TENM2: variants seen among roughly 807,000 people sequenced by gnomAD.
TENM2 encodes teneurin-2.
In TENM2, 52 loss-of-function variants were observed where a neutral mutation model predicts 245.2. The observed-to-expected ratio is 0.21, with a 90% CI of 0.17 to 0.27. The LOEUF (loss-of-function observed/expected upper bound fraction) is 0.27. Ranked by LOEUF, TENM2 falls within the 10% of genes least tolerant of loss-of-function variation. The pLI is 1.00. For synonymous variants in TENM2, 1,363 were observed against 1,438.9 expected (o/e 0.95, Z 1.19); for missense variants, 3,046 against 3,666.8 (o/e 0.83, Z 4.37).
chr5:167,925,771 G>A (rs998604626), intron 3 of TENM2, among the ~76,000 whole-genome samples: 34 of 152,176 alleles, frequency 2.2e-4, no homozygotes, highest in Admixed American at 1.6e-3. Flanking sequence ...ATACTATGCC[G>A]CCATGAGAAG....
At chr5:167,970,698 G>T (rs1393785839) in intron 4 of TENM2, among the ~76,000 whole-genome samples, 1 of 152,092 alleles carries the variant, frequency 6.6e-6, no homozygotes, top group Non-Finnish European at 1.5e-5. Flanking sequence ...ATGAGTATAG[G>T]TAATATCAGA....
chr5:168,148,144 G>C lies in TENM2; in HGVS notation c.2423-14467G>C, dbSNP rs142107424. Among the ~76,000 whole-genome samples the C allele has an allele frequency of 3.5e-3, 533 of 152,300 alleles. 1 individual carries two copies. Among genetic ancestry groups the C allele is most frequent in the African/African-American group, 0.012 (510 of 41,564 alleles). Reference sequence around the variant, plus strand: ...ACTGCAGGTTAGCAGCTGAGTACCAGCTCCCATTCACTGTTCAATTATCCA... The same window carrying C: ...ACTGCAGGTTAGCAGCTGAGTACCACCTCCCATTCACTGTTCAATTATCCA... On this transcript the variant is annotated intron_variant, in intron 12 of 28. Coordinates refer to ENST00000518659, the Ensembl canonical transcript of TENM2.
chr5:167,248,293 T>C, the TENM2 span, among the ~76,000 whole-genome samples: 134,871 of 151,830 alleles, frequency 0.89, 60,353 homozygotes, highest in Admixed American at 0.94. Context: ...AAATATGTTT[T>C]TGTATTATGT....
At chr5:167,968,415 T>C (rs1422810449) in intron 4 of TENM2, among the ~76,000 whole-genome samples, 1 of 152,188 alleles carries the variant, frequency 6.6e-6, no homozygotes, top group African/African-American at 2.4e-5. Flanking sequence ...GTATGCCTTA[T>C]AGTTCAAAAG....
chr5:168,231,780 CAAA>C (rs144113234), intron 25 of TENM2, among the ~76,000 whole-genome samples: 2 of 134,090 alleles, frequency 1.5e-5, no homozygotes. Flanking sequence ...CAACAACAAC[CAAA>C]AAAAAAAAAA....
intron 23 of TENM2, among the ~76,000 whole-genome samples, chr5:168,222,439 A>C (rs1003126055): frequency 1.3e-5 from 2 of 152,214 alleles, no homozygotes; most frequent in African/African-American, 4.8e-5. Flanking sequence ...CAAATGTCAG[A>C]TCAAAGGAAA....
chr5:167,982,981 T>C (rs190919335), intron 4 of TENM2, among the ~76,000 whole-genome samples: 42 of 152,304 alleles, frequency 2.8e-4, no homozygotes, highest in African/African-American at 9.9e-4. Context: ...CATCTACCTC[T>C]ACCTGCCGGT....
chr5:167,050,941 T>A, the TENM2 span, among the ~76,000 whole-genome samples: 1 of 152,232 alleles, frequency 6.6e-6, no homozygotes, highest in South Asian at 2.1e-4. Context: ...CTGGAGGTGG[T>A]TTCAGCTCAT....
At chr5:167,452,101 T>TA (rs1025736376) in intron 2 of TENM2, among the ~76,000 whole-genome samples, 1 of 152,102 alleles carries the variant, frequency 6.6e-6, no homozygotes, top group Non-Finnish European at 1.5e-5. Context: ...AGTGACTTAT[T>TA]AAAAAAATAA....
At position 167,431,930 on chromosome 5, in the gene TENM2, T is replaced by C. The variant is rs866308324; in HGVS notation, c.502+56457T>C. Reference sequence around the variant, plus strand: ...CCAAGGTGTGATATATATATATACATATATATATACATATATATGTATATA... The same window carrying C: ...CCAAGGTGTGATATATATATATACACATATATATACATATATATGTATATA... On this transcript the variant is annotated intron_variant, in intron 2 of 28. Transcript: ENST00000518659. Among the ~76,000 whole-genome samples, 585 of 78,732 alleles carry C rather than the reference T, an allele frequency of 7.4e-3. 3 individuals are homozygous for C. Among genetic ancestry groups the C allele is most frequent in the African/African-American group, 0.024 (490 of 20,048 alleles). The allele number at this position is 78,732 out of a possible 152,430, so 51.7% of individuals were successfully genotyped here. A position where few individuals can be genotyped will look rare whatever the true frequency, so the allele number is the denominator to read the frequency against.
chr5:167,467,547 A>G (rs1470085239), intron 2 of TENM2, among the ~76,000 whole-genome samples: 1 of 149,646 alleles, frequency 6.7e-6, no homozygotes, highest in Non-Finnish European at 1.5e-5. Context: ...ACCTTGTGCC[A>G]TTTCAGAGGG....
At chr5:168,107,381 C>T (rs1303766089) in intron 9 of TENM2, among the ~76,000 whole-genome samples, 1 of 152,204 alleles carries the variant, frequency 6.6e-6, no homozygotes, top group African/African-American at 2.4e-5. Context: ...TGTCCTCAAA[C>T]ACCTTCAGTG....
At chr5:168,055,767 A>G (rs1789487444) in intron 6 of TENM2, among the ~76,000 whole-genome samples, 1 of 152,198 alleles carries the variant, frequency 6.6e-6, no homozygotes, top group African/African-American at 2.4e-5. Flanking sequence ...CCTACAATTT[A>G]GGTACAACAT....
intron 24 of TENM2, among the ~76,000 whole-genome samples, chr5:168,227,512 C>G (rs1284434643): frequency 1.4e-5 from 2 of 141,778 alleles, no homozygotes; most frequent in Non-Finnish European, 3.0e-5. Flanking sequence ...AGTCATTTGC[C>G]TTTCTTTTTT....
intron 9 of TENM2, among the ~76,000 whole-genome samples, chr5:168,117,902 A>G (rs540228895): frequency 5.3e-5 from 8 of 152,300 alleles, no homozygotes; most frequent in African/African-American, 1.9e-4. Flanking sequence ...AGTTGGGCCA[A>G]CCTGGTTCCC....
At chr5:168,256,894 C>T (rs1049998891) in intron 27 of TENM2, among the ~76,000 whole-genome samples, 1 of 152,180 alleles carries the variant, frequency 6.6e-6, no homozygotes, top group African/African-American at 2.4e-5. Context: ...AAATACCTCA[C>T]AGTAGTCCCA....
the TENM2 span, among the ~76,000 whole-genome samples, chr5:167,199,803 T>A: frequency 6.6e-6 from 1 of 152,224 alleles, no homozygotes; most frequent in Admixed American, 6.5e-5. Context: ...GAGACTGAAA[T>A]TTTTTTCTCA....
At chr5:167,908,310 C>T (rs1338212626) in intron 3 of TENM2, among the ~76,000 whole-genome samples, 2 of 143,034 alleles carry the variant, frequency 1.4e-5, no homozygotes, top group Non-Finnish European at 3.1e-5. Context: ...CCCTTCCCCT[C>T]GCTTCTCCTC....
chr5:167,081,749 G>T, the TENM2 span, among the ~76,000 whole-genome samples: 1 of 152,192 alleles, frequency 6.6e-6, no homozygotes, highest in Non-Finnish European at 1.5e-5. Flanking sequence ...GAATTGATAT[G>T]ATCTCACTTC....
Sources: gnomAD v4.1 joint callset for allele counts (sites outside exome capture counted in the v4.1 genomes callset) on GRCh38, gnomAD v4.1.1 for gene constraint, MANE v1.5 for transcripts, NCBI Gene and HGNC (gene_info 2026-07-23, HGNC 2026-07-21) for gene names.